The following OR4K1 variants were observed in gnomAD, a reference collection of about 807,000 sequenced individuals.
OR4K1 encodes the protein olfactory receptor family 4 subfamily K member 1, also known as olfactory receptor 4K1.
OR4K1 carries 16 observed loss-of-function variants against 14.4 expected under a neutral mutation model. The observed-to-expected ratio is 1.11, with a 90% CI of 0.75 to 1.68. The LOEUF (loss-of-function observed/expected upper bound fraction) is 1.68, where lower values mean the gene tolerates loss of function less well. OR4K1 is among the 40% of genes most tolerant of loss of function. The probability of loss-of-function intolerance (pLI) is 0.00; values close to 1 mark genes in which losing one functional copy is unlikely to be tolerated. For missense variants in OR4K1, 548 were observed against 376.9 expected, an observed-to-expected ratio of 1.45 and a Z score of -3.76; for synonymous variants, 181 against 133.1, an observed-to-expected ratio of 1.36 and a Z score of -2.48.
chr14:19,922,978 A>G, the OR4K1 span, among the ~76,000 whole-genome samples: 1 of 152,242 alleles, frequency 6.6e-6, no homozygotes, highest in African/African-American at 2.4e-5. Context: ...GATTTAAGAA[A>G]TCCTTCTCTC....
In OR4K1 at chr14:19,935,904, A is replaced by G; in HGVS notation, c.238A>G (p.Lys80Glu). 2 of 1,614,240 alleles carry G rather than the reference A, an allele frequency of 1.2e-6. No homozygotes were observed. The highest frequency in any genetic ancestry group is 8.5e-7 in the Non-Finnish European group (1 of 1,180,044). Residue 80 changes from lysine (K) to glutamate (E), a missense_variant, in exon 2 of 2, where the codon AAG (lysine) becomes GAG (glutamate). Coordinates refer to ENST00000641172, the MANE Select transcript of OR4K1 (RefSeq NM_001004063.3). ...CTGTCAGTCTAACTTTGCCACCCCCAAGATGCTTGTAGACTTTTTTATTGA... is the reference window on the plus strand; with the variant it reads ...CTGTCAGTCTAACTTTGCCACCCCCGAGATGCTTGTAGACTTTTTTATTGA... ...DICQSNFATPKMLVDFFIERK... is the reference protein window; with the variant it reads ...DICQSNFATPEMLVDFFIERK...
intron 1 of OR4K1, among the ~76,000 whole-genome samples, chr14:19,931,534 A>G (rs1346113241): frequency 1.3e-5 from 2 of 152,272 alleles, no homozygotes; most frequent in African/African-American, 4.8e-5. Context: ...TATACACAGT[A>G]GAGTAATGGT....
chr14:19,934,773 C>A (rs1423265847), intron 1 of OR4K1, among the ~76,000 whole-genome samples: 1 of 152,022 alleles, frequency 6.6e-6, no homozygotes, highest in Admixed American at 6.6e-5. Context: ...CAGGTTCAAG[C>A]AATTCTCCTG....
chr14:19,932,467 G>A (rs1882206959), intron 1 of OR4K1, among the ~76,000 whole-genome samples: 1 of 152,108 alleles, frequency 6.6e-6, no homozygotes, highest in African/African-American at 2.4e-5. Flanking sequence ...ACTCTGAAAT[G>A]TAACAAGTGA....
chr14:19,935,714 A>G lies in OR4K1; in HGVS notation c.48A>G (p.Gly16=). 1 of 1,612,138 alleles carries G rather than the reference A, an allele frequency of 6.2e-7. No individual in the cohort carries two copies. The highest frequency in any genetic ancestry group is 8.5e-7 in the Non-Finnish European group (1 of 1,179,584). ...ESMVSEFVLL[G]LSNSWGLQLF... is the part of the protein sequence containing the mutation. Reference sequence around the variant, plus strand: ...TGGTGTCTGAGTTTGTACTTTTGGGACTCTCTAATTCCTGGGGACTTCAAC... The same window carrying G: ...TGGTGTCTGAGTTTGTACTTTTGGGGCTCTCTAATTCCTGGGGACTTCAAC... The change falls in exon 2 of 2, where the codon GGA becomes GGG. Residue 16 remains glycine (G), a synonymous_variant. Coordinates refer to ENST00000641172, the MANE Select transcript of OR4K1 (RefSeq NM_001004063.3).
At chr14:19,921,820 T>A in the OR4K1 span, among the ~76,000 whole-genome samples, 2 of 152,368 alleles carry the variant, frequency 1.3e-5, no homozygotes, top group East Asian at 3.9e-4. Flanking sequence ...TATGTATGCA[T>A]TTACTGCTTT....
At chr14:19,921,108 T>C in the OR4K1 span, 34 of 1,614,046 alleles carry the variant, frequency 2.1e-5, no homozygotes, top group Middle Eastern at 3.3e-4. Context: ...GAACCTGCCT[T>C]TTTGTGGACC....
At chr14:19,933,929 A>C (rs2138594476) in intron 1 of OR4K1, among the ~76,000 whole-genome samples, 1 of 152,324 alleles carries the variant, frequency 6.6e-6, no homozygotes, top group Admixed American at 6.5e-5. Flanking sequence ...ACCAATGCAA[A>C]CACGGAAAGC....
intron 1 of OR4K1, among the ~76,000 whole-genome samples, chr14:19,932,165 T>G (rs1166491943): frequency 1.3e-5 from 2 of 152,246 alleles, no homozygotes; most frequent in East Asian, 3.8e-4. Flanking sequence ...TTATTAGATA[T>G]TGAAAAGATA....
At chr14:19,930,884 C>T (rs1452503631), upstream of OR4K1, 1 of 152,220 alleles carries the variant, frequency 6.6e-6, no homozygotes, top group Non-Finnish European at 1.5e-5. Flanking sequence ...TATTGTATTG[C>T]CTTAAGTTAT....
chr14:19,935,141 T>C (rs1309842374), intron 1 of OR4K1, among the ~76,000 whole-genome samples: 1 of 152,274 alleles, frequency 6.6e-6, no homozygotes, highest in Non-Finnish European at 1.5e-5. Context: ...AACTAACAGT[T>C]TCCTGAATGA....
chr14:19,936,632 T>C lies in OR4K1; in HGVS notation c.*30T>C, dbSNP rs963900360. Reference sequence around the variant, plus strand: ...CATTACGAAGGAGCATAATCCTGAATTAGAATGAAGACCCTCCAGTGTATC... The same window carrying C: ...CATTACGAAGGAGCATAATCCTGAACTAGAATGAAGACCCTCCAGTGTATC... On this transcript the variant is annotated 3_prime_UTR_variant, in exon 2 of 2. Coordinates refer to ENST00000641172, the MANE Select transcript of OR4K1 (RefSeq NM_001004063.3). The C allele has an allele frequency of 1.3e-6, 2 of 1,549,838 alleles. No individual in the cohort carries two copies. The highest frequency in any genetic ancestry group is 1.7e-6 in the Non-Finnish European group (2 of 1,146,532).
chr14:19,936,694 G>A lies in OR4K1; in HGVS notation c.*92G>A, dbSNP rs755707028. The A allele has an allele frequency of 1.4e-5, 16 of 1,173,002 alleles. No homozygotes were observed. Among genetic ancestry groups the A allele is most frequent in the Non-Finnish European group, 1.9e-5 (16 of 857,156 alleles). 72.7% of individuals were successfully genotyped at this position (1,173,002 alleles called of 1,614,324 possible). The stretch of plus-strand genomic sequence containing the variant: ...CCAACCATCTTTGCCAGACATATGG[G>A]TTATTGAGTTACAGAATTGGCTTTT... On this transcript the variant is annotated 3_prime_UTR_variant, in exon 2 of 2. Transcript: ENST00000641172.
At position 19,936,278 on chromosome 14, in the gene OR4K1, C is replaced by A; in HGVS notation, c.612C>A (p.Gly204=). 1 of 1,614,244 alleles carries A rather than the reference C, an allele frequency of 6.2e-7. No homozygotes were observed. Among genetic ancestry groups the A allele is most frequent in the Non-Finnish European group, 8.5e-7 (1 of 1,180,042 alleles). The change falls in exon 2 of 2, where the codon GGC becomes GGA. Residue 204 remains glycine, a synonymous_variant. Coordinates refer to ENST00000641172, the MANE Select transcript of OR4K1 (RefSeq NM_001004063.3). The part of the protein sequence containing the change: ...EMEIMTLTNS[G]LISLSCFLAL... ...AAATTATGACCCTAACGAACAGTGG[C>A]CTGATATCATTGAGCTGTTTCCTGG...
At chr14:19,921,103 T>TAATGTAAA in the OR4K1 span, 1 of 1,614,204 alleles carries the variant, frequency 6.2e-7, no homozygotes, top group Non-Finnish European at 8.5e-7. Flanking sequence ...ACTGTGAACC[T>TAATGTAAA]GCCTTTTTGT....
chr14:19,930,736 T>C (rs1015879590), upstream of OR4K1, among the ~76,000 whole-genome samples: 1 of 152,242 alleles, frequency 6.6e-6, no homozygotes, highest in Non-Finnish European at 1.5e-5. Context: ...CAAACAAACC[T>C]TTTTTTCTTT....
At chr14:19,929,449 C>T (rs1223094133), upstream of OR4K1, among the ~76,000 whole-genome samples, 3 of 149,758 alleles carry the variant, frequency 2.0e-5, no homozygotes, top group African/African-American at 7.4e-5. Flanking sequence ...AGAGCATGGA[C>T]CAAAATATTT....
chr14:19,920,468 A>T, the OR4K1 span: 1 of 1,097,118 alleles, frequency 9.1e-7, no homozygotes, highest in Non-Finnish European at 1.3e-6. Context: ...CCTCTTCAAA[A>T]TTTTTGCATT....
At chr14:19,921,813 G>T in the OR4K1 span, among the ~76,000 whole-genome samples, 1 of 152,184 alleles carries the variant, frequency 6.6e-6, no homozygotes, top group Non-Finnish European at 1.5e-5. Flanking sequence ...TGGATAATAT[G>T]TATGCATTTA....
Sources: gnomAD v4.1 joint callset for allele counts (sites outside exome capture counted in the v4.1 genomes callset) on GRCh38, gnomAD v4.1.1 for gene constraint, MANE v1.5 for transcripts, NCBI Gene and HGNC (gene_info 2026-07-23, HGNC 2026-07-21) for gene names.